The following STT3A variants were observed in gnomAD, a reference collection of about 807,000 sequenced individuals.
STT3A encodes the protein STT3 oligosaccharyltransferase complex catalytic subunit A.
Under a neutral mutation model 89.2 loss-of-function variants are expected in STT3A, and 34 were observed. The observed-to-expected ratio is 0.38, with a 90% CI of 0.29 to 0.51. The LOEUF (loss-of-function observed/expected upper bound fraction) is 0.51. STT3A is among the 20% of genes least tolerant of loss of function. The pLI, the probability that STT3A is intolerant of heterozygous loss-of-function variation, is 0.89. For missense variants in STT3A, 555 were observed against 889.5 expected, an observed-to-expected ratio of 0.62 and a Z score of 4.78; for synonymous variants, 282 against 310.3, an observed-to-expected ratio of 0.91 and a Z score of 0.96.
Position 125,613,833 on chromosome 11 carries a change from A to G in STT3A, c.1555-254A>G. On this transcript the variant is annotated intron_variant, in intron 13 of 17. Transcript: ENST00000392708. This position sits in a 1 kb window ranked among gnomAD's most constrained non-coding sequence, Gnocchi z 4.2. ...AGTCTCCCACACCTCCCACCCCATT[A>G]TGTTAGTATAAAGTGACCTGGGATG... The G allele has an allele frequency of 2.4e-6, 1 of 415,558 alleles. No individual in the cohort carries two copies. Among genetic ancestry groups the G allele is most frequent in the Non-Finnish European group, 4.4e-6 (1 of 225,270 alleles). The allele number at this position is 415,558 out of a possible 1,614,324, so 25.7% of individuals were successfully genotyped here.
chr11:125,620,652 C>T (rs1043929287), intron 17 of STT3A, 120 bp from the exon 18 acceptor site: 1 of 870,854 alleles, frequency 1.1e-6, no homozygotes, highest in Non-Finnish European at 1.9e-6. Flanking sequence ...TATTCACAGC[C>T]CTAAACCAGG....
chr11:125,592,595 A>AT (rs1939335688), upstream of STT3A: 1 of 424,594 alleles, frequency 2.4e-6, no homozygotes, highest in Non-Finnish European at 4.7e-6. Flanking sequence ...GCCCTCAACC[A>AT]AACTGCTTGG....
intron 1 of STT3A, among the ~76,000 whole-genome samples, chr11:125,594,425 C>T (rs1476721272): frequency 6.6e-6 from 1 of 151,794 alleles, no homozygotes; most frequent in Non-Finnish European, 1.5e-5. Flanking sequence ...ACTAAAAATA[C>T]AAAAATTAGC....
At chr11:125,619,005 A>G (rs1343675958) in intron 16 of STT3A, among the ~76,000 whole-genome samples, 1 of 151,882 alleles carries the variant, frequency 6.6e-6, no homozygotes, top group Admixed American at 6.6e-5. Context: ...AAGTACTGGG[A>G]TTACAGACCT....
chr11:125,609,690 GT>G, intron 10 of STT3A, 101 bp downstream of exon 10: 2 of 1,476,246 alleles, frequency 1.4e-6, no homozygotes, highest in African/African-American at 1.4e-5. Flanking sequence ...TTCTTTGCCT[GT>G]TTATGTTGTG....
At chr11:125,608,687 CAG>C (rs1031586017) in intron 9 of STT3A, among the ~76,000 whole-genome samples, 7 of 152,222 alleles carry the variant, frequency 4.6e-5, no homozygotes, top group African/African-American at 7.2e-5. Context: ...CTCCAAAAGA[CAG>C]GGTATTTTCT....
intron 6 of STT3A, among the ~76,000 whole-genome samples, chr11:125,604,930 T>C (rs2135922609): frequency 6.6e-6 from 1 of 152,122 alleles, no homozygotes; most frequent in Non-Finnish European, 1.5e-5. Context: ...TGGGCAACCC[T>C]GTCACTATAA....
intron 10 of STT3A, 65 bp from the exon 11 acceptor site, chr11:125,611,363 T>C: frequency 8.0e-7 from 1 of 1,246,338 alleles, no homozygotes; most frequent in Non-Finnish European, 1.2e-6. Context: ...ATAATGAAGA[T>C]ACTTTACCTT....
chr11:125,607,594 G>A (rs1939876798), intron 8 of STT3A, among the ~76,000 whole-genome samples: 1 of 152,206 alleles, frequency 6.6e-6, no homozygotes, highest in African/African-American at 2.4e-5. Context: ...CAGACCTACT[G>A]AATCAGAAAC....
At chr11:125,594,610 G>GTACT (rs577439993) in intron 1 of STT3A, among the ~76,000 whole-genome samples, 375 of 148,036 alleles carry the variant, frequency 2.5e-3, no homozygotes, top group South Asian at 4.5e-3. Flanking sequence ...AAAGATAGTA[G>GTACT]TACTGTCTTA....
chr11:125,604,409 C>G (rs1366059752), intron 6 of STT3A, among the ~76,000 whole-genome samples, 162 bp downstream of exon 6: 1 of 152,204 alleles, frequency 6.6e-6, no homozygotes, highest in East Asian at 1.9e-4. Context: ...CTCTTCCCAT[C>G]ATCCTTTCCA....
chr11:125,603,561 T>C (rs1241221466), intron 5 of STT3A: 1 of 153,528 alleles, frequency 6.5e-6, no homozygotes, highest in African/African-American at 2.4e-5. Flanking sequence ...TCCTTCTCCT[T>C]GCTGCCCTTT....
At chr11:125,610,340 C>T (rs1591377319) in intron 10 of STT3A, among the ~76,000 whole-genome samples, 1 of 152,194 alleles carries the variant, frequency 6.6e-6, no homozygotes, top group East Asian at 1.9e-4. Context: ...GCTGGGATTA[C>T]AGGCGTGAGC....
In STT3A at chr11:125,614,039, T is replaced by C; in HGVS notation, c.1555-48T>C. On this transcript the variant is annotated intron_variant, in intron 13 of 17. Transcript: ENST00000392708. The surrounding 1 kb of genome is among the most constrained non-coding windows in gnomAD (Gnocchi z 4.9). ...TGCCTTCTCTGTTGCATTTGATTTT[T>C]AGAGACAGTGAGAAGCTTGTTATTT... The C allele has an allele frequency of 3.9e-6, 6 of 1,553,986 alleles. No individual in the cohort carries two copies. The highest frequency in any genetic ancestry group is 4.4e-6 in the Non-Finnish European group (5 of 1,127,694).
chr11:125,612,885 T>A, intron 12 of STT3A, 104 bp from the exon 13 acceptor site: 4 of 1,519,444 alleles, frequency 2.6e-6, no homozygotes, highest in Non-Finnish European at 3.6e-6. Context: ...AGCCTCTGAC[T>A]TATTTTGATC....
At chr11:125,594,562 G>A (rs1473498725) in intron 1 of STT3A, among the ~76,000 whole-genome samples, 1 of 120,384 alleles carries the variant, frequency 8.3e-6, no homozygotes, top group Admixed American at 1.1e-4. Context: ...CTAGCCTGGC[G>A]ACAGAGCAAG....
chr11:125,602,611 T>G (rs1371219068), intron 4 of STT3A, 187 bp downstream of exon 4: 4 of 1,052,760 alleles, frequency 3.8e-6, no homozygotes, highest in Non-Finnish European at 5.4e-6. Context: ...AGATGGGTGG[T>G]TTTTATACAT....
rs1181865505 is a variant in STT3A, at chr11:125,613,778, C to T, written c.1555-309C>T. 1.2e-5 allele frequency: 3 copies of T among 246,520 alleles called. No individual in the cohort carries two copies. Among genetic ancestry groups the T allele is most frequent in the Non-Finnish European group, 2.3e-5 (3 of 127,786 alleles). The allele number at this position is 246,520 out of a possible 1,614,324, so 15.3% of individuals were successfully genotyped here. On this transcript the variant is annotated intron_variant, in intron 13 of 17. Transcript: ENST00000392708. The surrounding 1 kb of genome is among the most constrained non-coding windows in gnomAD (Gnocchi z 4.2). ...GTTATTTAAGAAAATTGTCTAATGA[C>T]ACTAGGCTATTGATGTGGCTACATT...
At chr11:125,620,384 G>A (rs527862765) in intron 17 of STT3A, among the ~76,000 whole-genome samples, 94 of 152,160 alleles carry the variant, frequency 6.2e-4, no homozygotes, top group Non-Finnish European at 9.6e-4. Flanking sequence ...CAGTTTCTGT[G>A]ATTATCAGGC....
Sources: gnomAD v4.1 joint callset for allele counts (sites outside exome capture counted in the v4.1 genomes callset) on GRCh38, gnomAD v4.1.1 for gene constraint, Gnocchi (gnomAD v3.1) non-coding constraint, MANE v1.5 for transcripts, NCBI Gene and HGNC (gene_info 2026-07-23, HGNC 2026-07-21) for gene names.